The following RALGDS variants were observed in gnomAD, a reference collection of about 807,000 sequenced individuals.
The protein encoded by RALGDS is ral guanine nucleotide exchange factor.
RALGDS carries 44 observed loss-of-function variants against 99.8 expected under a neutral mutation model. The observed-to-expected ratio is 0.44, with a 90% CI of 0.35 to 0.57. The LOEUF (loss-of-function observed/expected upper bound fraction) is 0.57. Ranked by LOEUF, RALGDS falls within the 20% of genes least tolerant of loss-of-function variation. The probability of loss-of-function intolerance (pLI) is 0.01; values close to 1 mark genes in which losing one functional copy is unlikely to be tolerated. For missense variants in RALGDS, 1,022 were observed against 1,203.1 expected, an observed-to-expected ratio of 0.85 and a Z score of 2.23; for synonymous variants, 529 against 505.0, an observed-to-expected ratio of 1.05 and a Z score of -0.64.
intron 1 of RALGDS, among the ~76,000 whole-genome samples, chr9:133,113,436 T>G (rs909397592): frequency 6.6e-6 from 1 of 152,188 alleles, no homozygotes. Flanking sequence ...CACGCTGGGC[T>G]TTGTACAACA....
chr9:133,123,011 T>C (rs1425257996), upstream of RALGDS, among the ~76,000 whole-genome samples: 1 of 148,400 alleles, frequency 6.7e-6, no homozygotes, highest in Non-Finnish European at 1.5e-5. Context: ...CCTGTTTTTG[T>C]TTTTTTTTTA....
chr9:133,105,815 C>CCA (rs1564231787), intron 9 of RALGDS, 117 bp downstream of exon 9: 29 of 398,438 alleles, frequency 7.3e-5, no homozygotes, highest in African/African-American at 6.7e-4. Flanking sequence ...TGCCACCGCC[C>CCA]GCCGCCCCAG....
chr9:133,116,857 G>A (rs1175177050), intron 1 of RALGDS, among the ~76,000 whole-genome samples: 3 of 152,232 alleles, frequency 2.0e-5, no homozygotes, highest in Admixed American at 6.5e-5. Flanking sequence ...CAGGCCTGGC[G>A]CTGCCTCTGC....
At chr9:133,126,065 G>A (rs1832144807), upstream of RALGDS, among the ~76,000 whole-genome samples, 1 of 152,162 alleles carries the variant, frequency 6.6e-6, no homozygotes. Context: ...CCCTGTGCTT[G>A]GCGGTTGGAG....
At chr9:133,147,754 T>A (rs1006728448) in intron 1 of RALGDS, among the ~76,000 whole-genome samples, 1 of 152,070 alleles carries the variant, frequency 6.6e-6, no homozygotes, top group Non-Finnish European at 1.5e-5. Flanking sequence ...AACACACACC[T>A]TTGTTTGGGT....
chr9:133,148,561 C>A (rs1832664050), intron 1 of RALGDS, among the ~76,000 whole-genome samples: 1 of 152,216 alleles, frequency 6.6e-6, no homozygotes, highest in African/African-American at 2.4e-5. Flanking sequence ...TGTGTGTCTG[C>A]GTGTGTGTGA....
At chr9:133,106,948 G>T in intron 7 of RALGDS, 137 bp downstream of exon 7, 1 of 1,013,902 alleles carries the variant, frequency 9.9e-7, no homozygotes, top group Non-Finnish European at 1.5e-6. Context: ...GAGCATCCAG[G>T]CAGTGGGCTG....
chr9:133,104,435 T>A, intron 9 of RALGDS, 104 bp from the exon 10 acceptor site: 1 of 1,038,320 alleles, frequency 9.6e-7, no homozygotes, highest in Non-Finnish European at 1.5e-6. Flanking sequence ...GCTGACCCTG[T>A]ATCAATACTC....
intron 1 of RALGDS, among the ~76,000 whole-genome samples, chr9:133,127,624 G>T (rs1832202204): frequency 6.6e-6 from 1 of 152,228 alleles, no homozygotes; most frequent in South Asian, 2.1e-4. Flanking sequence ...GACGCAGCTG[G>T]ACCACGCGTG....
intron 7 of RALGDS, 133 bp from the exon 8 acceptor site, chr9:133,106,881 C>T: frequency 2.2e-6 from 2 of 916,314 alleles, no homozygotes; most frequent in South Asian, 2.9e-5. Context: ...ACGCCTGCGA[C>T]CCGGGGGTGA....
upstream of RALGDS, among the ~76,000 whole-genome samples, chr9:133,124,045 C>CACAT: frequency 9.1e-6 from 1 of 109,700 alleles, no homozygotes; most frequent in Non-Finnish European, 2.0e-5. Flanking sequence ...CAGAGACACA[C>CACAT]AGAGAGACAG....
chr9:133,108,476 C>T (rs553337994), intron 5 of RALGDS, 70 bp from the exon 6 acceptor site: 20 of 1,477,170 alleles, frequency 1.4e-5, no homozygotes, highest in African/African-American at 8.4e-5. Context: ...AGAACAGCCC[C>T]GGCTTCCAGA....
intron 6 of RALGDS, 97 bp downstream of exon 6, chr9:133,107,891 C>T (rs1831150533): frequency 6.8e-7 from 1 of 1,481,068 alleles, no homozygotes; most frequent in Admixed American, 1.7e-5. Context: ...GGGATTTGAC[C>T]AGAACATCAG....
intron 1 of RALGDS, among the ~76,000 whole-genome samples, chr9:133,119,983 G>A (rs1383040631): frequency 6.6e-6 from 1 of 152,212 alleles, no homozygotes; most frequent in Non-Finnish European, 1.5e-5. Flanking sequence ...GCAACACGAT[G>A]CCGCACGGGG....
intron 1 of RALGDS, among the ~76,000 whole-genome samples, chr9:133,146,186 T>A (rs1564257112): frequency 6.9e-6 from 1 of 144,242 alleles, no homozygotes; most frequent in African/African-American, 2.5e-5. Context: ...TTTGTTTGTT[T>A]GTTTGTTCGT....
chr9:133,148,723 A>G (rs1002707676), intron 1 of RALGDS, among the ~76,000 whole-genome samples: 9 of 152,140 alleles, frequency 5.9e-5, no homozygotes, highest in Admixed American at 5.9e-4. Flanking sequence ...TTCCTGGCCT[A>G]AGAGGCCGGA....
chr9:133,121,250 C>G (rs1163688703), upstream of RALGDS: 2 of 982,020 alleles, frequency 2.0e-6, no homozygotes, highest in South Asian at 9.4e-5. Flanking sequence ...TGTGAGCCCG[C>G]GGCCCGGCCC....
Position 133,104,289 on chromosome 9 carries a change from T to C in RALGDS, c.1645A>G (p.Arg549Gly), listed in dbSNP as rs748691691. The change falls in exon 10 of 18, where the codon AGA becomes GGA. Residue 549 changes from arginine to glycine, a missense_variant. This residue lies in a region of RALGDS where 825 missense variants were observed against 994.5 expected (regional missense o/e 0.83). Transcript: ENST00000372050. ...KFATLEMNPK[R>G]AQKRPKETGI... ...GTCTCCTTCGGCCGTTTCTGGGCTC[T>C]CTTGGGGTTCATCTCCAGGGTGGCA... 1 of 1,614,034 alleles carries C rather than the reference T, an allele frequency of 6.2e-7. No individual in the cohort carries two copies. Among genetic ancestry groups the C allele is most frequent in the South Asian group, 1.1e-5 (1 of 91,088 alleles).
chr9:133,109,800 C>CT (rs1831251714), intron 3 of RALGDS, 79 bp from the exon 4 acceptor site: 9 of 1,099,204 alleles, frequency 8.2e-6, no homozygotes, highest in South Asian at 2.5e-5. Context: ...TTTTTTTTTG[C>CT]TTTTTTTCAT....
Sources: allele counts gnomAD v4.1 joint callset (sites outside exome capture counted in the v4.1 genomes callset), GRCh38; gene constraint gnomAD v4.1.1; regional missense constraint gnomAD v4.1.1; transcripts MANE v1.5; gene names NCBI Gene and HGNC (gene_info 2026-07-23, HGNC 2026-07-21).